The following STRBP variants were observed in gnomAD, a reference collection of about 807,000 sequenced individuals.
STRBP encodes the protein spermatid perinuclear RNA binding protein, also known as spermatid perinuclear RNA-binding protein.
In STRBP, 13 loss-of-function variants were observed where a neutral mutation model predicts 80.1. That is an observed-to-expected ratio of 0.16 (90% CI 0.11 to 0.26). The LOEUF (loss-of-function observed/expected upper bound fraction) is 0.26. STRBP is among the 10% of genes least tolerant of loss of function. The probability of loss-of-function intolerance (pLI) is 1.00; values close to 1 mark genes in which losing one functional copy is unlikely to be tolerated. For synonymous variants in STRBP, 284 were observed against 291.2 expected (o/e 0.98, Z 0.25); for missense variants, 485 against 815.2 (o/e 0.59, Z 4.93).
intron 1 of STRBP, among the ~76,000 whole-genome samples, chr9:123,249,257 T>A (rs2040863020): frequency 6.6e-6 from 1 of 152,148 alleles, no homozygotes; most frequent in South Asian, 2.1e-4. Flanking sequence ...TGTGCATCTG[T>A]AGTCCCAGCT....
chr9:123,177,441 CA>C (rs1280703879), intron 4 of STRBP, among the ~76,000 whole-genome samples: 1 of 152,000 alleles, frequency 6.6e-6, no homozygotes, highest in Non-Finnish European at 1.5e-5. Flanking sequence ...GGCATGATGG[CA>C]CACACTTATA....
rs757695558 is a variant in STRBP, at chr9:123,193,487, C to T, written c.-164-9189G>A. ...TTAATCCCCCAAACCCTATCCCATT[C>T]CTTCAGGACTTTAGTGCTGTACTTA... On this transcript the variant is annotated intron_variant, in intron 2 of 18. Coordinates refer to ENST00000348403, the MANE Select transcript of STRBP (RefSeq NM_018387.5). 4.8e-4 allele frequency among the ~76,000 whole-genome samples: 73 copies of T among 152,176 alleles called. 1 individual carries two copies. The highest frequency in any genetic ancestry group is 3.9e-4 in the Admixed American group (6 of 15,278).
chr9:123,231,763 T>C (rs1324326951), intron 2 of STRBP, among the ~76,000 whole-genome samples: 1 of 152,154 alleles, frequency 6.6e-6, no homozygotes, highest in African/African-American at 2.4e-5. Context: ...AAATGATCTC[T>C]TAAGGAAATA....
At chr9:123,120,346 C>T (rs948238410), downstream of STRBP, among the ~76,000 whole-genome samples, 1 of 151,906 alleles carries the variant, frequency 6.6e-6, no homozygotes, top group African/African-American at 2.4e-5. Flanking sequence ...AGCCCCCACC[C>T]TCTCTCAGGA....
intron 2 of STRBP, chr9:123,213,649 G>A (rs2039789447): frequency 1.3e-5 from 2 of 152,268 alleles, no homozygotes; most frequent in Admixed American, 6.5e-5. Flanking sequence ...CCTGCGGCCA[G>A]TCACAGTGGC....
At chr9:123,198,603 G>T (rs1461327572) in intron 2 of STRBP, among the ~76,000 whole-genome samples, 1 of 149,194 alleles carries the variant, frequency 6.7e-6, no homozygotes, top group Non-Finnish European at 1.5e-5. Flanking sequence ...AGTTTAATTA[G>T]GTCCCATTTA....
intron 1 of STRBP, among the ~76,000 whole-genome samples, chr9:123,264,215 G>T (rs1340654810): frequency 2.0e-5 from 3 of 152,222 alleles, no homozygotes; most frequent in African/African-American, 7.2e-5. Context: ...CTGAGCCAAA[G>T]AAGGCCTCTG....
chr9:123,242,021 T>TA (rs897177626), intron 1 of STRBP, among the ~76,000 whole-genome samples: 5 of 152,184 alleles, frequency 3.3e-5, no homozygotes, highest in African/African-American at 1.2e-4. Context: ...ACTGTGTCCC[T>TA]AGCTGTTCCA....
At chr9:123,251,520 G>GGAAATC (rs2040917187) in intron 1 of STRBP, among the ~76,000 whole-genome samples, 1 of 152,156 alleles carries the variant, frequency 6.6e-6, no homozygotes, top group African/African-American at 2.4e-5. Context: ...ATACCGGATT[G>GGAAATC]GAAATCAAAC....
At chr9:123,208,222 T>G (rs1379744932) in intron 2 of STRBP, among the ~76,000 whole-genome samples, 1 of 152,052 alleles carries the variant, frequency 6.6e-6, no homozygotes, top group African/African-American at 2.4e-5. Flanking sequence ...AAAGTCACTG[T>G]CACTATAACG....
intron 3 of STRBP, among the ~76,000 whole-genome samples, chr9:123,182,269 G>A (rs16926230): frequency 0.029 from 2,061 of 71,190 alleles, 50 homozygotes; most frequent in African/African-American, 0.067. Flanking sequence ...TAAATCAGAA[G>A]AACCATGCAG....
chr9:123,115,512 C>G lies in STRBP; in HGVS notation c.*84+417G>C. 2.6e-6 allele frequency: 1 copy of G among 382,580 alleles called. No homozygotes were observed. Among genetic ancestry groups the G allele is most frequent in the South Asian group, 2.0e-5 (1 of 49,610 alleles). 23.7% of individuals were successfully genotyped at this position (382,580 alleles called of 1,614,324 possible). A position where few individuals can be genotyped will look rare whatever the true frequency, so the allele number is the denominator to read the frequency against. On this transcript the variant is annotated intron_variant and NMD_transcript_variant, in intron 3 of 3. Coordinates refer to the STRBP transcript ENST00000471564. The surrounding 1 kb of genome is among the most constrained non-coding windows in gnomAD (Gnocchi z 5.0). ...CCCTCCCTGTACTCTCCATCTGGGT[C>G]AATGATTTCACCTTCTACTCAGTTG...
In STRBP at chr9:123,199,579, T is replaced by C. The variant is rs1243817344; in HGVS notation, c.-164-15281A>G. ...TTTCAGCAGTGCTTTGTAGTTCTCC[T>C]TGTAGAGATCTTTCACCTCCTTGGT... On this transcript the variant is annotated intron_variant, in intron 2 of 18. Coordinates refer to ENST00000348403, the MANE Select transcript of STRBP (RefSeq NM_018387.5). Among the ~76,000 whole-genome samples the C allele has an allele frequency of 5.3e-4, 80 of 152,214 alleles. 1 individual carries two copies. The highest frequency in any genetic ancestry group is 5.2e-3 in the Admixed American group (79 of 15,282).
intron 8 of STRBP, among the ~76,000 whole-genome samples, chr9:123,160,003 C>A (rs558397171): frequency 2.6e-4 from 39 of 152,166 alleles, no homozygotes; most frequent in Middle Eastern, 3.4e-3. Context: ...TGCAAGGGGG[C>A]ACCAAAAGAG....
intron 1 of STRBP, among the ~76,000 whole-genome samples, chr9:123,248,261 G>GTTTTTTT (rs1223848724): frequency 4.2e-4 from 32 of 75,406 alleles, no homozygotes; most frequent in Middle Eastern, 0.012. Flanking sequence ...CCCCTATCGT[G>GTTTTTTT]TTTTTTTTTT....
In STRBP at chr9:123,180,851, A is replaced by G. The variant is rs2038426955; in HGVS notation, c.4-1624T>C. 1.0e-5 allele frequency: 9 copies of G among 857,490 alleles called. No individual in the cohort carries two copies. The South Asian group carries it at 4.8e-4, about 46-fold the overall frequency. 53.1% of individuals were successfully genotyped at this position (857,490 alleles called of 1,614,324 possible). ...AAAATATTCCATTTAAAAGCTGGTT[A>G]TACTGTCTTTACTTACATGAAATTA... On this transcript the variant is annotated intron_variant, in intron 3 of 18. Coordinates refer to ENST00000348403, the MANE Select transcript of STRBP (RefSeq NM_018387.5).
chr9:123,169,850 C>T, intron 6 of STRBP, 52 bp downstream of exon 6: 1 of 1,104,318 alleles, frequency 9.1e-7, no homozygotes, highest in East Asian at 3.5e-5. Context: ...ATGAAGAAAA[C>T]AAACAACAAC....
intron 6 of STRBP, among the ~76,000 whole-genome samples, chr9:123,166,778 ACAACAACAAC>A (rs2037780752): frequency 6.6e-6 from 1 of 151,580 alleles, no homozygotes; most frequent in African/African-American, 2.4e-5. Context: ...AACAACAACA[ACAACAACAAC>A]AACAAAAAAA....
At chr9:123,190,285 G>GA (rs1231552691) in intron 2 of STRBP, among the ~76,000 whole-genome samples, 10,231 of 81,688 alleles carry the variant, frequency 0.13, 1,147 homozygotes, top group African/African-American at 0.35. Flanking sequence ...ATCTCAGAAA[G>GA]AAAAAAAAAA....
Sources: allele counts gnomAD v4.1 joint callset (sites outside exome capture counted in the v4.1 genomes callset), GRCh38; gene constraint gnomAD v4.1.1; non-coding constraint Gnocchi (gnomAD v3.1); transcripts MANE v1.5; gene names NCBI Gene and HGNC (gene_info 2026-07-23, HGNC 2026-07-21).